The following ZNF705G variants were observed in gnomAD, a reference collection of about 807,000 sequenced individuals.
ZNF705G encodes the protein zinc finger protein 705G.
In ZNF705G, 23 loss-of-function variants were observed where a neutral mutation model predicts 19.6. The observed-to-expected ratio is 1.17, with a 90% CI of 0.84 to 1.66. ZNF705G has a LOEUF of 1.66. Among genes scored for constraint, ZNF705G ranks in the 40% most tolerant of loss-of-function variants. The pLI is 0.00. For synonymous variants in ZNF705G, 146 were observed against 117.7 expected (o/e 1.24, Z -1.56); for missense variants, 457 against 354.4 (o/e 1.29, Z -2.32).
intron 2 of ZNF705G, among the ~76,000 whole-genome samples, chr8:7,366,826 C>T (rs1342260438): frequency 1.3e-5 from 2 of 149,338 alleles, no homozygotes; most frequent in African/African-American, 2.6e-5. Flanking sequence ...GCCAACATGC[C>T]CAACACGATT....
chr8:7,362,711 A>G (rs1257234515), intron 3 of ZNF705G, among the ~76,000 whole-genome samples: 1 of 149,530 alleles, frequency 6.7e-6, no homozygotes, highest in Non-Finnish European at 1.5e-5. Flanking sequence ...GGAGTCTTTG[A>G]CACACGATAC....
Position 7,359,845 on chromosome 8 carries a change from A to G in ZNF705G, c.236-144T>C, listed in dbSNP as rs1440578499. Reference sequence around the variant, plus strand: ...AATGAAGAAACTACTTGAATAGAAGAAATAGATTGTACAGTGTCAGCAATT... The same window carrying G: ...AATGAAGAAACTACTTGAATAGAAGGAATAGATTGTACAGTGTCAGCAATT... On this transcript the variant is annotated intron_variant, in intron 5 of 6. Coordinates refer to ENST00000400156, the MANE Select transcript of ZNF705G (RefSeq NM_001164457.3). 16 of 1,288,452 alleles carry G rather than the reference A, an allele frequency of 1.2e-5. No homozygotes were observed. The East Asian group carries it at 1.7e-4, about 14-fold the overall frequency. 79.8% of individuals were successfully genotyped at this position (1,288,452 alleles called of 1,614,324 possible).
At position 7,356,252 on chromosome 8, in the gene ZNF705G, G is replaced by C. The variant is rs1038617703; in HGVS notation, c.*1724C>G. On this transcript the variant is annotated 3_prime_UTR_variant, in exon 7 of 7. Transcript: ENST00000400156. Reference sequence around the variant, plus strand: ...CAGGTTCGGCTGTTTTATCATGCTGGTGTTTTATCTTCTGGACTGCAGTAA... The same window carrying C: ...CAGGTTCGGCTGTTTTATCATGCTGCTGTTTTATCTTCTGGACTGCAGTAA... The C allele has an allele frequency of 6.7e-6, 1 of 149,424 alleles. No individual in the cohort carries two copies. Among genetic ancestry groups the C allele is most frequent in the Non-Finnish European group, 1.5e-5 (1 of 68,032 alleles). 9.3% of individuals were successfully genotyped at this position (149,424 alleles called of 1,614,324 possible).
rs950452075 is a variant in ZNF705G at position 7,363,322 on chromosome 8, G to A, written c.-71-305C>T. On this transcript the variant is annotated intron_variant, in intron 2 of 6. Transcript: ENST00000400156. ...TTCCCTCACTGATTTTAAAACACAGGGATCCCTGACTCCATCCACATGTGG... is the reference window on the plus strand; with the variant it reads ...TTCCCTCACTGATTTTAAAACACAGAGATCCCTGACTCCATCCACATGTGG... Among the ~76,000 whole-genome samples the A allele has an allele frequency of 1.8e-4, 27 of 147,948 alleles. 1 individual carries two copies. Among genetic ancestry groups the A allele is most frequent in the African/African-American group, 4.5e-4 (17 of 37,538 alleles).
At chr8:7,361,082 A>T (rs745643868) in intron 4 of ZNF705G, 28 bp downstream of exon 4, 5 of 1,592,752 alleles carry the variant, frequency 3.1e-6, no homozygotes, top group Non-Finnish European at 4.2e-6. Context: ...GTGTCTCTAC[A>T]TATGTACATG....
At position 7,384,557 on chromosome 8, in the gene ZNF705G, A is replaced by G. The variant is rs1413108233; in HGVS notation, c.-222+941T>C. ...AACTTCTGGATACCTGAAATCACAC[A>G]AGATACTACTTTCCTCCATAAAGCC... On this transcript the variant is annotated intron_variant, in intron 1 of 6. Coordinates refer to ENST00000400156, the MANE Select transcript of ZNF705G (RefSeq NM_001164457.3). Among the ~76,000 whole-genome samples, 5 of 146,098 alleles carry G rather than the reference A, an allele frequency of 3.4e-5. 1 individual carries two copies. The highest frequency in any genetic ancestry group is 8.4e-5 in the African/African-American group (3 of 35,632).
At position 7,371,134 on chromosome 8, in the gene ZNF705G, A is replaced by C. The variant is rs369838550; in HGVS notation, c.-71-8117T>G. 1.8e-3 allele frequency among the ~76,000 whole-genome samples: 254 copies of C among 141,704 alleles called. 7 individuals carry two copies. The highest frequency in any genetic ancestry group is 6.0e-3 in the African/African-American group (212 of 35,390). 93.0% of individuals were successfully genotyped at this position (141,704 alleles called of 152,430 possible). On this transcript the variant is annotated intron_variant, in intron 2 of 6. Coordinates refer to ENST00000400156, the MANE Select transcript of ZNF705G (RefSeq NM_001164457.3). ...ATGCAATGGAATATTGTTCAGTGTT[A>C]CATAATAACGAAACCCTGTCATTTG...
chr8:7,358,794 A>T (rs1263393650), intron 6 of ZNF705G, among the ~76,000 whole-genome samples: 11 of 149,298 alleles, frequency 7.4e-5, no homozygotes, highest in Non-Finnish European at 1.3e-4. Context: ...CTGGTTCCTA[A>T]ATAATATGGC....
intron 2 of ZNF705G, among the ~76,000 whole-genome samples, chr8:7,368,320 G>T (rs1806953114): frequency 6.7e-6 from 1 of 149,310 alleles, no homozygotes; most frequent in African/African-American, 2.6e-5. Context: ...TTAATCATAA[G>T]TACTTTTGAG....
In ZNF705G at chr8:7,361,113, G is replaced by T. The variant is rs767503102; in HGVS notation, c.136C>A (p.Leu46Ile). Residue 46 changes from leucine (L) to isoleucine (I), a missense_variant, in exon 4 of 7, where the codon CTC becomes ATC. Physicochemically the swap from Leu to Ile is conservative, Grantham distance 5 (BLOSUM62 2). Coordinates refer to ENST00000400156, the MANE Select transcript of ZNF705G (RefSeq NM_001164457.3). ...MLENISHLVS[L>I]GYQISKSYII... Reference sequence around the variant, plus strand: ...ACATGAATGTTCAGGGACTCACCGAGGGACACCAGGTGACTGATATTTTCC... The same window carrying T: ...ACATGAATGTTCAGGGACTCACCGATGGACACCAGGTGACTGATATTTTCC... 6.3e-7 allele frequency: 1 copy of T among 1,592,626 alleles called. No individual in the cohort carries two copies. Among genetic ancestry groups the T allele is most frequent in the East Asian group, 2.2e-5 (1 of 44,860 alleles).
chr8:7,382,508 T>C (rs1252927459), intron 1 of ZNF705G, among the ~76,000 whole-genome samples: 3 of 146,630 alleles, frequency 2.0e-5, no homozygotes, highest in African/African-American at 5.5e-5. Flanking sequence ...TCTATCAACT[T>C]TCCTTTTGGA....
chr8:7,385,000 T>A (rs1807666489), intron 1 of ZNF705G, among the ~76,000 whole-genome samples: 2 of 146,624 alleles, frequency 1.4e-5, no homozygotes, highest in South Asian at 2.1e-4. Flanking sequence ...TATTTTACAG[T>A]CTTTCTTGCT....
intron 2 of ZNF705G, among the ~76,000 whole-genome samples, chr8:7,366,633 T>C (rs577396365): frequency 1.3e-5 from 2 of 149,674 alleles, no homozygotes; most frequent in South Asian, 4.2e-4. Context: ...GCTAAAACAA[T>C]ATCCATGGAC....
At position 7,364,178 on chromosome 8, in the gene ZNF705G, G is replaced by A. The variant is rs549500069; in HGVS notation, c.-71-1161C>T. Reference sequence around the variant, plus strand: ...AATACCGATGTCCATGTATACATTCGTACATAGATATGTAGATATATAGGT... The same window carrying A: ...AATACCGATGTCCATGTATACATTCATACATAGATATGTAGATATATAGGT... On this transcript the variant is annotated intron_variant, in intron 2 of 6. Transcript: ENST00000400156. 3.3e-4 allele frequency among the ~76,000 whole-genome samples: 50 copies of A among 149,614 alleles called. 3 individuals carry two copies. The South Asian group carries it at 6.7e-3, about 20-fold the overall frequency.
intron 2 of ZNF705G, among the ~76,000 whole-genome samples, chr8:7,367,227 G>C (rs1334680820): frequency 6.7e-6 from 1 of 149,432 alleles, no homozygotes; most frequent in Non-Finnish European, 1.5e-5. Flanking sequence ...AGGTAGAAGA[G>C]CATGAGCAGG....
chr8:7,370,512 G>A (rs1807056704), intron 2 of ZNF705G, among the ~76,000 whole-genome samples: 1 of 148,662 alleles, frequency 6.7e-6, no homozygotes, highest in Non-Finnish European at 1.5e-5. Context: ...AAATTACTAT[G>A]TCCATTTCAG....
chr8:7,368,488 C>G (rs1157916917), intron 2 of ZNF705G, among the ~76,000 whole-genome samples: 4 of 149,262 alleles, frequency 2.7e-5, no homozygotes, highest in Non-Finnish European at 5.9e-5. Flanking sequence ...TTTCAATGTT[C>G]ATGATGATGT....
At chr8:7,369,925 A>T (rs562762689) in intron 2 of ZNF705G, among the ~76,000 whole-genome samples, 1 of 149,286 alleles carries the variant, frequency 6.7e-6, no homozygotes, top group Non-Finnish European at 1.5e-5. Context: ...CTGAAAAACT[A>T]TCTATTGGGT....
chr8:7,359,418 T>C lies in ZNF705G; in HGVS notation c.318+201A>G, dbSNP rs559275041. Among the ~76,000 whole-genome samples the C allele has an allele frequency of 2.9e-3, 440 of 149,808 alleles. 1 individual carries two copies. Among genetic ancestry groups the C allele is most frequent in the Non-Finnish European group, 5.0e-3 (340 of 67,922 alleles). ...GGCATGAGCAATGTATATGCACTTG[T>C]TCTATTTTAGAGATCTCATGTTATG... On this transcript the variant is annotated intron_variant, in intron 6 of 6. Transcript: ENST00000400156.
Sources: gnomAD v4.1 joint callset for allele counts (sites outside exome capture counted in the v4.1 genomes callset) on GRCh38, gnomAD v4.1.1 for gene constraint, MANE v1.5 for transcripts, NCBI Gene and HGNC (gene_info 2026-07-23, HGNC 2026-07-21) for gene names.